Variants in SNX29 observed in about 807,000 individuals in gnomAD.
SNX29 encodes the protein sorting nexin-29.
In SNX29, 78 loss-of-function variants were observed where a neutral mutation model predicts 102.1. That is an observed-to-expected ratio of 0.76 (90% CI 0.64 to 0.92). The LOEUF (loss-of-function observed/expected upper bound fraction) is 0.92. Among genes scored for constraint, SNX29 ranks in the 40% least tolerant of loss-of-function variants. The probability of loss-of-function intolerance (pLI) is 0.00; values close to 1 mark genes in which losing one functional copy is unlikely to be tolerated. For missense variants in SNX29, 1,280 were observed against 1,061.7 expected, an observed-to-expected ratio of 1.21 and a Z score of -2.86; for synonymous variants, 580 against 414.5, an observed-to-expected ratio of 1.40 and a Z score of -4.85.
chr16:12,310,484 A>C (rs2080502770), intron 15 of SNX29, among the ~76,000 whole-genome samples: 3 of 152,094 alleles, frequency 2.0e-5, no homozygotes, highest in South Asian at 4.2e-4. Flanking sequence ...GCGTAACAGC[A>C]TGGATGAATC....
At chr16:12,069,649 G>GTCA (rs2051198472) in intron 10 of SNX29, among the ~76,000 whole-genome samples, 1 of 152,280 alleles carries the variant, frequency 6.6e-6, no homozygotes, top group East Asian at 1.9e-4. Context: ...GATGACGAAT[G>GTCA]TCAACACCTT....
At chr16:12,227,295 T>C (rs942368409) in intron 14 of SNX29, among the ~76,000 whole-genome samples, 1 of 152,194 alleles carries the variant, frequency 6.6e-6, no homozygotes, top group Non-Finnish European at 1.5e-5. Context: ...CTTTTCCTTT[T>C]CCTCACTTCT....
At chr16:12,313,554 T>A (rs924828745) in intron 15 of SNX29, among the ~76,000 whole-genome samples, 2 of 152,194 alleles carry the variant, frequency 1.3e-5, no homozygotes, top group Non-Finnish European at 2.9e-5. Context: ...GCAGCCTCCG[T>A]CAGCCCTCTT....
intron 16 of SNX29, among the ~76,000 whole-genome samples, chr16:12,381,070 TACCATCCATCCACCCACCC>T (rs2083106663): frequency 8.2e-4 from 4 of 4,892 alleles, no homozygotes. Context: ...TCTACCCACC[TACCATCCATCCACCCACCC>T]ACCATCCATC....
At chr16:12,158,540 T>A (rs2055651319) in intron 13 of SNX29, among the ~76,000 whole-genome samples, 1 of 152,214 alleles carries the variant, frequency 6.6e-6, no homozygotes, top group Non-Finnish European at 1.5e-5. Context: ...GTAGTCCTGC[T>A]TGAGCATTCT....
chr16:12,462,746 T>C (rs2086863618), intron 18 of SNX29, among the ~76,000 whole-genome samples: 1 of 152,176 alleles, frequency 6.6e-6, no homozygotes, highest in Non-Finnish European at 1.5e-5. Flanking sequence ...TTTGTATCTA[T>C]GAAGAGAGAA....
At chr16:11,985,142 G>A (rs1394333057) in intron 1 of SNX29, among the ~76,000 whole-genome samples, 1 of 151,228 alleles carries the variant, frequency 6.6e-6, no homozygotes, top group Non-Finnish European at 1.5e-5. Context: ...GAATTGATTT[G>A]ATTTTTTCCA....
At position 12,329,900 on chromosome 16, in the gene SNX29, C is replaced by T. The variant is rs145079182; in HGVS notation, c.1783-26263C>T. Among the ~76,000 whole-genome samples, 6 of 152,288 alleles carry T rather than the reference C, an allele frequency of 3.9e-5. No homozygotes were observed. The East Asian group carries it at 9.6e-4, about 24-fold the overall frequency. On this transcript the variant is annotated intron_variant, in intron 15 of 20. Transcript: ENST00000566228. ...TTCTGAAGGGACTAAGACGCGTTAA[C>T]AGTTATTTATACCCTGTCTTGTTCC...
At chr16:12,472,164 A>C (rs1488604978) in intron 18 of SNX29, among the ~76,000 whole-genome samples, 1 of 152,230 alleles carries the variant, frequency 6.6e-6, no homozygotes, top group Non-Finnish European at 1.5e-5. Context: ...TCACGTCCAC[A>C]GTACTGAGTG....
Position 12,571,821 on chromosome 16 carries a change from G to A in SNX29, c.*3192G>A. On this transcript the variant is annotated 3_prime_UTR_variant, in exon 21 of 21. Transcript: ENST00000566228. ...ATCAGTGTGAAATTCCAGCTTCTTT[G>A]ATTCCCACTTAGCAGTATGCTCCAA... 9.6e-7 allele frequency: 1 copy of A among 1,039,830 alleles called. No individual in the cohort carries two copies. The highest frequency in any genetic ancestry group is 4.7e-5 in the South Asian group (1 of 21,494). 64.4% of individuals were successfully genotyped at this position (1,039,830 alleles called of 1,614,324 possible). A position where few individuals can be genotyped will look rare whatever the true frequency, so the allele number is the denominator to read the frequency against.
intron 1 of SNX29, among the ~76,000 whole-genome samples, chr16:11,995,266 A>G (rs952090205): frequency 1.3e-5 from 2 of 152,034 alleles, no homozygotes; most frequent in African/African-American, 2.4e-5. Context: ...GGGTTTTGCC[A>G]TGTTGGCCAG....
chr16:12,011,755 C>T (rs1290385263), intron 3 of SNX29, among the ~76,000 whole-genome samples: 1 of 152,076 alleles, frequency 6.6e-6, no homozygotes, highest in African/African-American at 2.4e-5. Context: ...GATATACTTA[C>T]CTTCATGCCT....
At chr16:12,227,150 T>G (rs199983975) in intron 14 of SNX29, among the ~76,000 whole-genome samples, 6 of 152,306 alleles carry the variant, frequency 3.9e-5, no homozygotes, top group Admixed American at 2.0e-4. Flanking sequence ...TCTGGCGGAT[T>G]GGGTGCTGCT....
At chr16:12,216,644 G>A (rs1567321935) in intron 14 of SNX29, among the ~76,000 whole-genome samples, 2 of 152,194 alleles carry the variant, frequency 1.3e-5, no homozygotes, top group African/African-American at 2.4e-5. Context: ...GGTGTTGGCC[G>A]AGAAAGTTCT....
At chr16:12,315,627 G>A (rs1434678516) in intron 15 of SNX29, among the ~76,000 whole-genome samples, 2 of 152,190 alleles carry the variant, frequency 1.3e-5, no homozygotes, top group African/African-American at 2.4e-5. Flanking sequence ...TCATCTGCAA[G>A]CCGTGGAGTG....
intron 15 of SNX29, among the ~76,000 whole-genome samples, chr16:12,310,284 C>T (rs16959171): frequency 0.016 from 2,433 of 152,310 alleles, 78 homozygotes; most frequent in African/African-American, 0.055. Context: ...GATAATACTC[C>T]AGCTTCAAAG....
chr16:12,284,721 CTTTTT>C (rs879835967), intron 15 of SNX29, among the ~76,000 whole-genome samples: 1 of 145,182 alleles, frequency 6.9e-6, no homozygotes, highest in Non-Finnish European at 1.5e-5. Context: ...GTTTCGGTTC[CTTTTT>C]TTTTTTTCTT....
At chr16:12,524,867 G>A in intron 20 of SNX29, 26 bp downstream of exon 20, 1 of 1,601,680 alleles carries the variant, frequency 6.2e-7, no homozygotes, top group African/African-American at 1.3e-5. Context: ...ACGGACATGG[G>A]CCGCCAGCCC....
chr16:12,202,119 T>C (rs534631038), intron 14 of SNX29, among the ~76,000 whole-genome samples: 1 of 152,336 alleles, frequency 6.6e-6, no homozygotes, highest in African/African-American at 2.4e-5. Context: ...AGCAGTCTCT[T>C]ACTTCTGCAT....
Sources: gnomAD v4.1 joint callset for allele counts (sites outside exome capture counted in the v4.1 genomes callset) on GRCh38, gnomAD v4.1.1 for gene constraint, MANE v1.5 for transcripts, NCBI Gene and HGNC (gene_info 2026-07-23, HGNC 2026-07-21) for gene names.